GPHN: variants seen among roughly 807,000 people sequenced by gnomAD.
GPHN encodes the protein gephyrin.
Under a neutral mutation model 95.5 loss-of-function variants are expected in GPHN, and 17 were observed. The ratio of observed to expected loss-of-function variants is 0.18; its 90% CI spans 0.12 to 0.27. The LOEUF is 0.27. Among genes scored for constraint, GPHN ranks in the 10% least tolerant of loss-of-function variants. GPHN has a pLI of 1.00. For missense variants in GPHN, 660 were observed against 978.1 expected (o/e 0.67, Z 4.34); for synonymous variants, 320 against 322.5 (o/e 0.99, Z 0.08).
At chr14:67,494,186 T>C in the GPHN span, among the ~76,000 whole-genome samples, 1 of 152,132 alleles carries the variant, frequency 6.6e-6, no homozygotes, top group Non-Finnish European at 1.5e-5. Context: ...CAAACAGCAC[T>C]TAGGCAAGAG....
At chr14:67,504,620 CT>C in the GPHN span, among the ~76,000 whole-genome samples, 1 of 152,170 alleles carries the variant, frequency 6.6e-6, no homozygotes, top group Non-Finnish European at 1.5e-5. Flanking sequence ...TGTGCGGTGG[CT>C]CACACCTGTA....
chr14:67,312,830 C>T, the GPHN span: 6 of 809,842 alleles, frequency 7.4e-6, no homozygotes, highest in East Asian at 3.0e-5. Context: ...GTTACTTTTT[C>T]GTGTAGTTGG....
chr14:67,535,284 C>G, the GPHN span, among the ~76,000 whole-genome samples: 1 of 151,834 alleles, frequency 6.6e-6, no homozygotes, highest in African/African-American at 2.4e-5. Context: ...CACTATATAC[C>G]CTTTTGTTCA....
the GPHN span, among the ~76,000 whole-genome samples, chr14:67,618,940 T>G: frequency 6.6e-6 from 1 of 152,154 alleles, no homozygotes; most frequent in Non-Finnish European, 1.5e-5. Context: ...TGAGGTGAAA[T>G]AAATTTCAGG....
intron 1 of GPHN, among the ~76,000 whole-genome samples, chr14:66,572,774 A>T (rs1000661331): frequency 1.3e-5 from 2 of 152,174 alleles, no homozygotes; most frequent in African/African-American, 2.4e-5. Flanking sequence ...TTTCTCTAAC[A>T]AAGACTTCCA....
intron 1 of GPHN, among the ~76,000 whole-genome samples, chr14:66,652,092 G>T (rs971957143): frequency 6.6e-6 from 1 of 151,960 alleles, no homozygotes; most frequent in Non-Finnish European, 1.5e-5. Flanking sequence ...ATCTTTCTTT[G>T]CATTCTTTCA....
chr14:66,564,849 A>G (rs2140310235), intron 1 of GPHN, among the ~76,000 whole-genome samples: 1 of 152,228 alleles, frequency 6.6e-6, no homozygotes, highest in Non-Finnish European at 1.5e-5. Context: ...ACTATCAAAT[A>G]ATATTATCAT....
At chr14:67,644,071 T>C in the GPHN span, among the ~76,000 whole-genome samples, 2 of 152,310 alleles carry the variant, frequency 1.3e-5, no homozygotes, top group South Asian at 4.1e-4. Flanking sequence ...TCAATGTGAT[T>C]ACCACAGATC....
chr14:67,106,920 G>T (rs191300741), intron 13 of GPHN, among the ~76,000 whole-genome samples: 2 of 151,998 alleles, frequency 1.3e-5, no homozygotes, highest in African/African-American at 4.8e-5. Context: ...ATGTTGATCT[G>T]TGTGCCTAGT....
At chr14:67,071,066 A>T (rs2076284876) in intron 11 of GPHN, among the ~76,000 whole-genome samples, 1 of 152,164 alleles carries the variant, frequency 6.6e-6, no homozygotes, top group Non-Finnish European at 1.5e-5. Flanking sequence ...ATTGTGGAAG[A>T]TAGTGTGGCA....
intron 3 of GPHN, among the ~76,000 whole-genome samples, chr14:66,818,800 A>G (rs1164691002): frequency 3.9e-5 from 6 of 152,024 alleles, no homozygotes; most frequent in Non-Finnish European, 4.4e-5. Flanking sequence ...TCTGACTTGC[A>G]TGAGATGATA....
intron 10 of GPHN, among the ~76,000 whole-genome samples, chr14:67,045,707 G>GTCTC (rs542923862): frequency 1.4e-5 from 2 of 143,474 alleles, no homozygotes; most frequent in Admixed American, 6.9e-5. Context: ...CTCTGTCTCT[G>GTCTC]TCTCTCTCTC....
chr14:66,842,390 T>C (rs1230153412), intron 4 of GPHN, among the ~76,000 whole-genome samples: 2 of 152,138 alleles, frequency 1.3e-5, no homozygotes, highest in African/African-American at 4.8e-5. Context: ...TAGTTGACCA[T>C]CTTCCCATTT....
chr14:67,509,380 A>G, the GPHN span, among the ~76,000 whole-genome samples: 2 of 151,706 alleles, frequency 1.3e-5, no homozygotes, highest in African/African-American at 4.8e-5. Flanking sequence ...GTGCAATGGC[A>G]TGATCTCTGC....
the GPHN span, chr14:67,360,632 G>A: frequency 6.1e-6 from 1 of 163,120 alleles, no homozygotes. Context: ...CGCCGGCTCC[G>A]TGTAGGTCAT....
intron 10 of GPHN, among the ~76,000 whole-genome samples, chr14:67,029,739 T>C (rs754018405): frequency 4.6e-5 from 7 of 152,222 alleles, no homozygotes; most frequent in Non-Finnish European, 1.0e-4. Context: ...TAAAATACAC[T>C]AGTCTTACGT....
chr14:67,603,304 G>A, the GPHN span, among the ~76,000 whole-genome samples: 151,246 of 152,364 alleles, frequency 0.99, 75,073 homozygotes, highest in Middle Eastern at 1. Context: ...TCCTAGGCTC[G>A]GGTGATCCTT....
chr14:67,067,076 C>CT (rs201301770), intron 11 of GPHN, among the ~76,000 whole-genome samples: 4,150 of 152,230 alleles, frequency 0.027, 75 homozygotes, highest in Non-Finnish European at 0.036. Flanking sequence ...TTTTATCTAC[C>CT]TTTGGTCTTT....
the GPHN span, among the ~76,000 whole-genome samples, chr14:67,688,093 G>C: frequency 1.3e-5 from 2 of 151,932 alleles, no homozygotes; most frequent in African/African-American, 4.8e-5. Context: ...CATTCTATCA[G>C]TACCTCTAAT....
Sources: allele counts gnomAD v4.1 joint callset (sites outside exome capture counted in the v4.1 genomes callset), GRCh38; gene constraint gnomAD v4.1.1; transcripts MANE v1.5; gene names NCBI Gene and HGNC (gene_info 2026-07-23, HGNC 2026-07-21).